The following IER3IP1 variants were observed in gnomAD, a reference collection of about 807,000 sequenced individuals.
IER3IP1 encodes immediate early response 3 interacting protein 1.
Under a neutral mutation model 12.2 loss-of-function variants are expected in IER3IP1, and 16 were observed. The ratio of observed to expected loss-of-function variants is 1.31; its 90% confidence interval spans 0.89 to 1.99. The LOEUF is 1.99. Ranked by LOEUF, IER3IP1 falls within the 30% of genes most tolerant of loss-of-function variation. IER3IP1 has a pLI of 0.00. For synonymous variants in IER3IP1, 42 were observed against 40.0 expected (o/e 1.05, Z -0.19); for missense variants, 95 against 95.8 (o/e 0.99, Z 0.03).
intron 1 of IER3IP1, among the ~76,000 whole-genome samples, chr18:47,175,937 G>A (rs1417484843): frequency 1.3e-5 from 2 of 152,040 alleles, no homozygotes; most frequent in Non-Finnish European, 2.9e-5. Context: ...CGCAAGCAGA[G>A]GCGTCCCTGA....
chr18:47,156,398 G>T (rs573738266), intron 2 of IER3IP1, among the ~76,000 whole-genome samples, 166 bp from the exon 3 acceptor site: 1 of 152,280 alleles, frequency 6.6e-6, no homozygotes, highest in South Asian at 2.1e-4. Context: ...ATTGGATCAT[G>T]AGATCCAAAA....
intron 1 of IER3IP1, among the ~76,000 whole-genome samples, chr18:47,162,159 G>A (rs1023392013): frequency 1.3e-5 from 2 of 152,112 alleles, no homozygotes; most frequent in Non-Finnish European, 2.9e-5. Flanking sequence ...CCAACCCCCA[G>A]GCCACAGACC....
chr18:47,157,734 A>G (rs1380001853), intron 1 of IER3IP1, among the ~76,000 whole-genome samples, 197 bp from the exon 2 acceptor site: 1 of 152,242 alleles, frequency 6.6e-6, no homozygotes, highest in Non-Finnish European at 1.5e-5. Flanking sequence ...CCCTCATTTC[A>G]CTACATTTAC....
At chr18:47,162,708 AAAT>A (rs1323593496) in intron 1 of IER3IP1, among the ~76,000 whole-genome samples, 2 of 152,198 alleles carry the variant, frequency 1.3e-5, no homozygotes, top group Admixed American at 1.3e-4. Context: ...ATTATTGAAG[AAAT>A]AATAAGTGAA....
chr18:47,165,026 G>C (rs754963305), intron 1 of IER3IP1, among the ~76,000 whole-genome samples: 1 of 152,106 alleles, frequency 6.6e-6, no homozygotes, highest in African/African-American at 2.4e-5. Flanking sequence ...AAAAACGCTC[G>C]ACACACATAT....
intron 2 of IER3IP1, 65 bp downstream of exon 2, chr18:47,157,371 A>T (rs1795194296): frequency 3.7e-6 from 5 of 1,369,198 alleles, no homozygotes; most frequent in Non-Finnish European, 4.2e-6. Flanking sequence ...ATTCACACTC[A>T]GAAGCCTTGC....
chr18:47,162,879 T>G (rs914908489), intron 1 of IER3IP1, among the ~76,000 whole-genome samples: 1 of 151,934 alleles, frequency 6.6e-6, no homozygotes, highest in Non-Finnish European at 1.5e-5. Context: ...AAATCAACTA[T>G]AAGAATAAAA....
intron 1 of IER3IP1, among the ~76,000 whole-genome samples, chr18:47,175,500 A>G (rs569567897): frequency 3.1e-4 from 47 of 151,798 alleles, no homozygotes; most frequent in South Asian, 1.9e-3. Context: ...GTCTCACTCT[A>G]TTGCCCAGGC....
At chr18:47,162,253 A>G (rs1312814909) in intron 1 of IER3IP1, among the ~76,000 whole-genome samples, 4 of 152,204 alleles carry the variant, frequency 2.6e-5, no homozygotes, top group Admixed American at 2.6e-4. Flanking sequence ...CCTCACCTCA[A>G]TGAAATAGCC....
intron 1 of IER3IP1, among the ~76,000 whole-genome samples, chr18:47,174,732 T>C (rs2064026320): frequency 6.6e-6 from 1 of 151,996 alleles, no homozygotes; most frequent in Admixed American, 6.6e-5. Flanking sequence ...TCCTCCGTAT[T>C]GTAGCCTCAA....
intron 1 of IER3IP1, among the ~76,000 whole-genome samples, chr18:47,173,427 A>G (rs1487321291): frequency 6.6e-6 from 1 of 152,060 alleles, no homozygotes; most frequent in Non-Finnish European, 1.5e-5. Flanking sequence ...GCTCAATGCA[A>G]CCTCTGCTTC....
chr18:47,170,150 T>C (rs1231615291), intron 1 of IER3IP1, among the ~76,000 whole-genome samples: 1 of 152,094 alleles, frequency 6.6e-6, no homozygotes. Context: ...TATATGGCTA[T>C]TCAGTTATTA....
At chr18:47,176,085 CT>C in intron 1 of IER3IP1, 101 bp downstream of exon 1, 1 of 965,284 alleles carries the variant, frequency 1.0e-6, no homozygotes, top group South Asian at 1.4e-5. Context: ...TTCCGCTGTT[CT>C]TCTGTCCCGG....
chr18:47,156,311 G>T, intron 2 of IER3IP1, 79 bp from the exon 3 acceptor site: 1 of 792,012 alleles, frequency 1.3e-6, no homozygotes, highest in South Asian at 1.5e-5. Context: ...TAGCCTCCAG[G>T]AACAATAGAA....
chr18:47,168,056 G>A (rs1318870378), intron 1 of IER3IP1, among the ~76,000 whole-genome samples: 1 of 138,106 alleles, frequency 7.2e-6, no homozygotes, highest in Non-Finnish European at 1.5e-5. Context: ...AACCTGGGAA[G>A]CAGAGGTTGC....
intron 2 of IER3IP1, 195 bp downstream of exon 2, chr18:47,157,241 A>G (rs2063963834): frequency 6.6e-6 from 4 of 607,312 alleles, no homozygotes; most frequent in Non-Finnish European, 8.7e-6. Flanking sequence ...ATTTGTACCA[A>G]CTGGCTTAGA....
chr18:47,171,320 A>T (rs1304847205), intron 1 of IER3IP1, among the ~76,000 whole-genome samples: 1 of 152,230 alleles, frequency 6.6e-6, no homozygotes, highest in Admixed American at 6.5e-5. Flanking sequence ...AAAGAGATAT[A>T]GGTCGATAGT....
rs984526452 is a variant in IER3IP1 at position 47,154,204 on chromosome 18, T to C, written c.*1973A>G. The C allele has an allele frequency of 2.6e-5, 4 of 152,300 alleles. No homozygotes were observed. The highest frequency in any genetic ancestry group is 6.8e-3 in the Middle Eastern group (2 of 294). The allele number at this position is 152,300 out of a possible 1,614,324, so 9.4% of individuals were successfully genotyped here. A position where few individuals can be genotyped will look rare whatever the true frequency, so the allele number is the denominator to read the frequency against. On this transcript the variant is annotated 3_prime_UTR_variant, in exon 3 of 3. Transcript: ENST00000256433. The stretch of plus-strand genomic sequence containing the variant: ...AGGCCAACAGGCACTTAAGTTACTG[T>C]CTACTAAAATAACACACTCTGTTTA...
At chr18:47,156,790 G>GTTTTTTTTTTT (rs34039061) in intron 2 of IER3IP1, 2 of 102,914 alleles carry the variant, frequency 1.9e-5, no homozygotes, top group Admixed American at 1.2e-4. Flanking sequence ...TTCTTTTCTG[G>GTTTTTTTTTTT]TTTTTTTTTT....
Sources: gnomAD v4.1 joint callset for allele counts (sites outside exome capture counted in the v4.1 genomes callset) on GRCh38, gnomAD v4.1.1 for gene constraint, MANE v1.5 for transcripts, NCBI Gene and HGNC (gene_info 2026-07-23, HGNC 2026-07-21) for gene names.